The following FXYD5 variants were observed in gnomAD, a reference collection of about 807,000 sequenced individuals.
FXYD5 encodes the protein FXYD domain-containing ion transport regulator 5.
In FXYD5, 21 loss-of-function variants were observed where a neutral mutation model predicts 25.7. The ratio of observed to expected loss-of-function variants is 0.82; its 90% CI spans 0.58 to 1.18. The LOEUF is 1.18. Among genes scored for constraint, FXYD5 ranks in the 50% most tolerant of loss-of-function variants. FXYD5 has a pLI of 0.00. For missense variants in FXYD5, 229 were observed against 227.7 expected (o/e 1.01, Z -0.04); for synonymous variants, 101 against 90.7 (o/e 1.11, Z -0.64).
At chr19:35,166,199 G>A (rs779396784) in intron 7 of FXYD5, 28 bp downstream of exon 7, 10 of 1,612,296 alleles carry the variant, frequency 6.2e-6, no homozygotes, top group Middle Eastern at 3.3e-4. Context: ...AGATGTGGGG[G>A]AAGGAAAGGT....
intron 5 of FXYD5, chr19:35,163,912 G>A: frequency 7.9e-7 from 1 of 1,260,614 alleles, no homozygotes; most frequent in Non-Finnish European, 1.1e-6. Context: ...AGAGGGGTCT[G>A]GAGTCCCTCG....
chr19:35,162,875 G>A (rs559921027), intron 5 of FXYD5, among the ~76,000 whole-genome samples: 7 of 152,230 alleles, frequency 4.6e-5, no homozygotes, highest in Non-Finnish European at 1.0e-4. Context: ...TGTTCCAGAA[G>A]GAGGAAGAGT....
At chr19:35,156,418 ACT>A (rs1312415211) in intron 2 of FXYD5, among the ~76,000 whole-genome samples, 1 of 152,188 alleles carries the variant, frequency 6.6e-6, no homozygotes, top group Non-Finnish European at 1.5e-5. Context: ...AAGAGGTCAC[ACT>A]CTAGTGGAGA....
intron 4 of FXYD5, chr19:35,159,399 CT>C: frequency 7.0e-7 from 1 of 1,423,652 alleles, no homozygotes; most frequent in Non-Finnish European, 9.4e-7. Flanking sequence ...TTAAGGAGAC[CT>C]TATGATTGTT....
intron 1 of FXYD5, 124 bp from the exon 2 acceptor site, chr19:35,155,427 C>A: frequency 1.3e-6 from 1 of 782,084 alleles, no homozygotes; most frequent in Non-Finnish European, 2.2e-6. Context: ...CAGCCCCTGG[C>A]AGGGGGTCTT....
chr19:35,161,937 G>A (rs895866267), intron 5 of FXYD5, among the ~76,000 whole-genome samples: 3 of 152,194 alleles, frequency 2.0e-5, no homozygotes, highest in Admixed American at 6.5e-5. Flanking sequence ...TAGCAGCAAA[G>A]CATCTCATTC....
rs1403718636 is a variant in FXYD5, at chr19:35,169,753, A to G, written c.*138A>G. 3 of 665,228 alleles carry G rather than the reference A, an allele frequency of 4.5e-6. No individual in the cohort carries two copies. Among genetic ancestry groups the G allele is most frequent in the Non-Finnish European group, 8.1e-6 (3 of 370,850 alleles). The allele number at this position is 665,228 out of a possible 1,614,324, so 41.2% of individuals were successfully genotyped here. On this transcript the variant is annotated 3_prime_UTR_variant, in exon 9 of 9. Coordinates refer to ENST00000392219, the MANE Select transcript of FXYD5 (RefSeq NM_014164.6). The stretch of plus-strand genomic sequence containing the variant: ...AGACACAGATGATGAAGCTGGAGCC[A>G]GGGCTGCCGGTCCGAGTCTCCTACC...
chr19:35,158,449 G>A (rs79003548), intron 4 of FXYD5, 49 bp downstream of exon 4: 48,340 of 1,112,296 alleles, frequency 0.043, 1,199 homozygotes, highest in East Asian at 0.058. Context: ...GACAAACAAA[G>A]TTTCCCCTCT....
At chr19:35,164,130 C>T (rs957250728) in intron 5 of FXYD5, 26 bp from the exon 6 acceptor site, 1 of 1,613,838 alleles carries the variant, frequency 6.2e-7, no homozygotes, top group Non-Finnish European at 8.5e-7. Context: ...CACTCCTGCC[C>T]TCCACTGATC....
chr19:35,164,709 G>C (rs2065435970), intron 6 of FXYD5, among the ~76,000 whole-genome samples: 2 of 152,136 alleles, frequency 1.3e-5, no homozygotes, highest in Non-Finnish European at 2.9e-5. Flanking sequence ...GGGTCACATA[G>C]AGAGCCCATT....
intron 4 of FXYD5, among the ~76,000 whole-genome samples, chr19:35,160,434 C>T (rs997388333): frequency 2.0e-5 from 3 of 152,140 alleles, no homozygotes; most frequent in African/African-American, 4.8e-5. Flanking sequence ...ACCACAACCT[C>T]TGCCTCCCAG....
chr19:35,159,517 C>T (rs756636892), intron 4 of FXYD5: 16 of 1,550,278 alleles, frequency 1.0e-5, no homozygotes, highest in South Asian at 3.6e-5. Context: ...TTCCACAAGG[C>T]GCCTATATCA....
intron 1 of FXYD5, 24 bp from the exon 2 acceptor site, chr19:35,155,526 AC>A (rs1032636154): frequency 6.2e-7 from 1 of 1,600,938 alleles, no homozygotes. Flanking sequence ...ATCATGGCTG[AC>A]CCCAGCATCG....
chr19:35,169,720 G>A lies in FXYD5; in HGVS notation c.*105G>A. On this transcript the variant is annotated 3_prime_UTR_variant, in exon 9 of 9. Transcript: ENST00000392219. The stretch of plus-strand genomic sequence containing the variant: ...TGCATCCCCTCGAAGAGCCTGGCCA[G>A]AGAGGGAAGACACAGATGATGAAGC... The A allele has an allele frequency of 2.6e-6, 2 of 759,386 alleles. No individual in the cohort carries two copies. The highest frequency in any genetic ancestry group is 2.6e-5 in the East Asian group (1 of 38,362). 47.0% of individuals were successfully genotyped at this position (759,386 alleles called of 1,614,324 possible). A position where few individuals can be genotyped will look rare whatever the true frequency, so the allele number is the denominator to read the frequency against.
At chr19:35,155,227 G>A (rs1276174936) in intron 1 of FXYD5, 1 of 431,420 alleles carries the variant, frequency 2.3e-6, no homozygotes. Context: ...CCCAGTGAGG[G>A]ATAAGCGCCT....
intron 8 of FXYD5, among the ~76,000 whole-genome samples, chr19:35,168,130 C>G (rs1361232472): frequency 6.6e-6 from 1 of 151,462 alleles, no homozygotes; most frequent in Admixed American, 6.6e-5. Flanking sequence ...GAGAGCAGAG[C>G]CTGAACGTTA....
At chr19:35,155,007 AC>A in intron 1 of FXYD5, 198 bp downstream of exon 1, 1 of 163,968 alleles carries the variant, frequency 6.1e-6, no homozygotes, top group Non-Finnish European at 1.3e-5. Context: ...GCTCTCTGCC[AC>A]CCCCCTCGGA....
intron 5 of FXYD5, among the ~76,000 whole-genome samples, chr19:35,161,144 G>A (rs983123341): frequency 2.6e-5 from 4 of 151,580 alleles, no homozygotes; most frequent in African/African-American, 9.7e-5. Context: ...ATGTGCCTGT[G>A]GATATTTCTT....
chr19:35,159,941 T>C, intron 4 of FXYD5: 1 of 245,732 alleles, frequency 4.1e-6, no homozygotes, highest in Non-Finnish European at 7.8e-6. Context: ...GCACAGTGGC[T>C]CATGCCTGTC....
Sources: allele counts gnomAD v4.1 joint callset (sites outside exome capture counted in the v4.1 genomes callset), GRCh38; gene constraint gnomAD v4.1.1; transcripts MANE v1.5; gene names NCBI Gene and HGNC (gene_info 2026-07-23, HGNC 2026-07-21).